The following DOT1L variants were observed in gnomAD, a reference collection of about 807,000 sequenced individuals.
DOT1L encodes the protein histone-lysine N-methyltransferase, H3 lysine-79 specific.
A neutral mutation model predicts 153.3 loss-of-function variants in DOT1L; 33 were observed. The ratio of observed to expected loss-of-function variants is 0.22; its 90% CI spans 0.16 to 0.29. The LOEUF (loss-of-function observed/expected upper bound fraction) is 0.29, where lower values mean the gene tolerates loss of function less well. Among genes scored for constraint, DOT1L ranks in the 10% least tolerant of loss-of-function variants. The pLI is 1.00. For synonymous variants in DOT1L, 1,135 were observed against 965.1 expected, an observed-to-expected ratio of 1.18 and a Z score of -3.26; for missense variants, 1,847 against 2,119.9, an observed-to-expected ratio of 0.87 and a Z score of 2.53.
intron 1 of DOT1L, among the ~76,000 whole-genome samples, chr19:2,165,786 T>G (rs1019705836): frequency 4.8e-4 from 69 of 142,530 alleles, no homozygotes; most frequent in African/African-American, 1.8e-3. Context: ...TTTTTTTTTT[T>G]GAGACGGAGT....
intron 19 of DOT1L, 125 bp from the exon 20 acceptor site, chr19:2,216,156 G>C: frequency 7.1e-7 from 1 of 1,411,414 alleles, no homozygotes; most frequent in East Asian, 2.4e-5. Context: ...GGCAGCTTTG[G>C]TTTTTCCATC....
rs187462245 is a variant in DOT1L at position 2,197,588 on chromosome 19, G to A, written c.652-2296G>A. Among the ~76,000 whole-genome samples, 29 of 152,342 alleles carry A rather than the reference G, an allele frequency of 1.9e-4. No individual in the cohort carries two copies. The highest frequency in any genetic ancestry group is 1.6e-3 in the Admixed American group (25 of 15,300). On this transcript the variant is annotated intron_variant, in intron 7 of 27. Transcript: ENST00000398665. This position sits in a 1 kb window ranked among gnomAD's most constrained non-coding sequence, Gnocchi z 4.1. Reference sequence around the variant, plus strand: ...CCTGGGTCCATGACACGGCTGAGCAGCATGGTGTCTAGTGTGGCACAGGTG... The same window carrying A: ...CCTGGGTCCATGACACGGCTGAGCAACATGGTGTCTAGTGTGGCACAGGTG...
rs1388880030 is a variant in DOT1L, at chr19:2,216,334, C to G, written c.1977C>G (p.Leu659=). 3 of 1,602,086 alleles carry G rather than the reference C, an allele frequency of 1.9e-6. No individual in the cohort carries two copies. The highest frequency in any genetic ancestry group is 2.6e-6 in the Non-Finnish European group (3 of 1,171,636). ...AGCGGCAGCAGGAGCTCCTGCAGCTCAAGTCCTGTGTGCCGCCTGACGACG... is the reference window on the plus strand; with the variant it reads ...AGCGGCAGCAGGAGCTCCTGCAGCTGAAGTCCTGTGTGCCGCCTGACGACG... ...KSQRQQELLQ[L]KSCVPPDDAL... The change falls in exon 20 of 28, where the codon CTC becomes CTG. Residue 659 remains leucine, a synonymous_variant. Transcript: ENST00000398665.
rs556885293 is a variant in DOT1L, at chr19:2,177,229, A to G, written c.82-3484A>G. Among the ~76,000 whole-genome samples, 12 of 152,314 alleles carry G rather than the reference A, an allele frequency of 7.9e-5. No homozygotes were observed. The South Asian group carries it at 2.5e-3, about 32-fold the overall frequency. On this transcript the variant is annotated intron_variant, in intron 1 of 27. Coordinates refer to ENST00000398665, the MANE Select transcript of DOT1L (RefSeq NM_032482.3). ...CTGGCGGGAAGGAGCTGTGCAGAGC[A>G]CAGAACATACAGGAAACGACCAGGT...
chr19:2,174,324 T>C lies in DOT1L; in HGVS notation c.82-6389T>C, dbSNP rs540608936. ...ATGCTCTGATGTCCAGGCCCAGCTC[T>C]GCTGTGAAGTAGCTGCATGGACTTG... On this transcript the variant is annotated intron_variant, in intron 1 of 27. Coordinates refer to ENST00000398665, the MANE Select transcript of DOT1L (RefSeq NM_032482.3). Among the ~76,000 whole-genome samples the C allele has an allele frequency of 2.0e-5, 3 of 152,350 alleles. No homozygotes were observed. The East Asian group carries it at 5.8e-4, about 29-fold the overall frequency.
At chr19:2,170,437 G>A (rs531526648) in intron 1 of DOT1L, among the ~76,000 whole-genome samples, 3 of 152,236 alleles carry the variant, frequency 2.0e-5, no homozygotes, top group East Asian at 3.9e-4. Flanking sequence ...GACCCAACAC[G>A]GTTCCTCCTG....
rs1041849396 is a variant in DOT1L at position 2,230,209 on chromosome 19, A to C, written c.*417A>C. 4.7e-6 allele frequency: 2 copies of C among 427,400 alleles called. No individual in the cohort carries two copies. The highest frequency in any genetic ancestry group is 8.2e-5 in the Admixed American group (2 of 24,312). 26.5% of individuals were successfully genotyped at this position (427,400 alleles called of 1,614,324 possible). A position where few individuals can be genotyped will look rare whatever the true frequency, so the allele number is the denominator to read the frequency against. On this transcript the variant is annotated 3_prime_UTR_variant, in exon 28 of 28. Coordinates refer to ENST00000398665, the MANE Select transcript of DOT1L (RefSeq NM_032482.3). ...GCCTGCCTCCACCCGCTTGGTGCTG[A>C]CTAGACGCTGACAACGCCGAACCCC...
At position 2,226,699 on chromosome 19, in the gene DOT1L, G is replaced by A. The variant is rs545627070; in HGVS notation, c.4178G>A (p.Gly1393Asp). The change falls in exon 27 of 28, where the codon GGC (glycine) becomes GAC (aspartate). Residue 1393 changes from glycine to aspartate, a missense_variant. By Grantham distance (94) the Gly-to-Asp change is moderately conservative. Transcript: ENST00000398665. ...CGCGGCAAGGAGGCAGGGGAGGGCG[G>A]CCTACCGCTGTGCGGGCCCACGGAC... is the stretch of plus-strand genomic sequence containing the variant. ...GSRGKEAGEG[G>D]LPLCGPTDKT... is the part of the protein sequence containing the mutation. The A allele has an allele frequency of 1.9e-6, 3 of 1,569,490 alleles. No homozygotes were observed. In the East Asian group the frequency reaches 6.9e-5, roughly 36 times the overall value.
chr19:2,182,013 A>C (rs995235962), intron 2 of DOT1L, among the ~76,000 whole-genome samples: 3 of 152,112 alleles, frequency 2.0e-5, no homozygotes, highest in African/African-American at 2.4e-5. Flanking sequence ...GCTTGAGGCC[A>C]GGAGTTCGAG....
chr19:2,218,271 C>A, intron 22 of DOT1L, among the ~76,000 whole-genome samples: 1 of 152,364 alleles, frequency 6.6e-6, no homozygotes, highest in East Asian at 1.9e-4. Flanking sequence ...TCCCACCCAG[C>A]GCTGTGCATG....
chr19:2,201,299 C>G (rs547100686), intron 8 of DOT1L, among the ~76,000 whole-genome samples: 2 of 151,604 alleles, frequency 1.3e-5, no homozygotes, highest in East Asian at 3.9e-4. Flanking sequence ...GTCATCCTCC[C>G]TGTATTCCTC....
In DOT1L at chr19:2,207,839, C is replaced by T. The variant is rs957526628; in HGVS notation, c.963+159C>T. Among the ~76,000 whole-genome samples the T allele has an allele frequency of 2.0e-5, 3 of 152,120 alleles. No homozygotes were observed. Among genetic ancestry groups the T allele is most frequent in the Non-Finnish European group, 4.4e-5 (3 of 68,000 alleles). ...GCTCAGGCCCAGCTCCTCAAGGCCC[C>T]TCAGTACTGCTTGCACCGCAGGACC... On this transcript the variant is annotated intron_variant, in intron 11 of 27. Coordinates refer to ENST00000398665, the MANE Select transcript of DOT1L (RefSeq NM_032482.3). This position sits in a 1 kb window ranked among gnomAD's most constrained non-coding sequence, Gnocchi z 4.5.
At position 2,210,738 on chromosome 19, in the gene DOT1L, G is replaced by A. The variant is rs2144832237; in HGVS notation, c.1234G>A (p.Gly412Arg). The A allele has an allele frequency of 1.2e-6, 2 of 1,613,158 alleles. No homozygotes were observed. Among genetic ancestry groups the A allele is most frequent in the Non-Finnish European group, 1.7e-6 (2 of 1,180,004 alleles). The stretch of plus-strand genomic sequence containing the variant: ...GAGGAAGATGGCTGGCCGCAAGCGC[G>A]GGCGCCCCAAGAAGATGAACACTGC... ...KGRKMAGRKRGRPKKMNTANP... is the reference protein window; with the variant it reads ...KGRKMAGRKRRRPKKMNTANP... Residue 412 changes from glycine to arginine, a missense_variant, in exon 14 of 28, where the codon GGG (glycine) becomes AGG (arginine). Coordinates refer to ENST00000398665, the MANE Select transcript of DOT1L (RefSeq NM_032482.3).
At chr19:2,201,347 T>C (rs1172256801) in intron 8 of DOT1L, among the ~76,000 whole-genome samples, 1 of 151,640 alleles carries the variant, frequency 6.6e-6, no homozygotes. Flanking sequence ...GCGCCCGTCG[T>C]CCTCCCCGCT....
At position 2,217,031 on chromosome 19, in the gene DOT1L, G is replaced by A; in HGVS notation, c.2485G>A (p.Asp829Asn). The part of the protein sequence containing the change: ...VPGSMKLSPQ[D>N]PRPLSPGALQ... ...TGGCAGCATGAAGCTGAGCCCTCAG[G>A]ACCCGCGGCCCCTGTCCCCTGGGGC... The change falls in exon 21 of 28, where the codon GAC (aspartate) becomes AAC (asparagine). Residue 829 changes from aspartate (D) to asparagine (N), a missense_variant. By Grantham distance (23) the Asp-to-Asn change is conservative (BLOSUM62 1). This residue lies in a region of DOT1L where 281 missense variants were observed against 263.6 expected (regional missense o/e 1.07). Transcript: ENST00000398665. The surrounding 1 kb of genome is among the most constrained non-coding windows in gnomAD (Gnocchi z 7.3). 6.2e-7 allele frequency: 1 copy of A among 1,612,858 alleles called. No homozygotes were observed. Among genetic ancestry groups the A allele is most frequent in the African/African-American group, 1.3e-5 (1 of 75,042 alleles).
intron 25 of DOT1L, 125 bp from the exon 26 acceptor site, chr19:2,225,263 C>CT (rs1555728512): frequency 1.1e-6 from 1 of 941,062 alleles, no homozygotes; most frequent in Non-Finnish European, 1.7e-6. Context: ...CACGGGTCCC[C>CT]TGTCTGGGCC....
In DOT1L at chr19:2,220,063, C is replaced by A. The variant is rs774316330; in HGVS notation, c.2692-45C>A. On this transcript the variant is annotated intron_variant, in intron 22 of 27. Transcript: ENST00000398665. This position sits in a 1 kb window ranked among gnomAD's most constrained non-coding sequence, Gnocchi z 4.5. ...TGTTTCCAGCTGGGTTCTGGGTCTC[C>A]TGGGGCACCTGCTGCCCCTGACACA... 2 of 1,549,574 alleles carry A rather than the reference C, an allele frequency of 1.3e-6. No homozygotes were observed. The highest frequency in any genetic ancestry group is 1.8e-6 in the Non-Finnish European group (2 of 1,139,540).
intron 1 of DOT1L, among the ~76,000 whole-genome samples, chr19:2,173,803 G>A (rs1042258783): frequency 7.2e-5 from 11 of 152,182 alleles, no homozygotes; most frequent in African/African-American, 2.4e-4. Context: ...GGGTCGCTCC[G>A]GTTGTGTTTT....
chr19:2,199,304 C>T (rs2023147738), intron 7 of DOT1L, among the ~76,000 whole-genome samples: 3 of 152,216 alleles, frequency 2.0e-5, no homozygotes, highest in Admixed American at 2.0e-4. Context: ...CAGACGCCCC[C>T]AGGGACTGGC....
Sources: allele counts gnomAD v4.1 joint callset (sites outside exome capture counted in the v4.1 genomes callset), GRCh38; gene constraint gnomAD v4.1.1; regional missense constraint gnomAD v4.1.1; non-coding constraint Gnocchi (gnomAD v3.1); transcripts MANE v1.5; gene names NCBI Gene and HGNC (gene_info 2026-07-23, HGNC 2026-07-21).